Variants in ROBO2 observed in about 807,000 individuals in gnomAD.
ROBO2 encodes roundabout guidance receptor 2.
A neutral mutation model predicts 160.8 loss-of-function variants in ROBO2; 53 were observed. The ratio of observed to expected loss-of-function variants is 0.33; its 90% confidence interval spans 0.26 to 0.41. The LOEUF (loss-of-function observed/expected upper bound fraction) is 0.41. ROBO2 is among the 10% of genes least tolerant of loss of function. The probability of loss-of-function intolerance (pLI) is 1.00; values close to 1 mark genes in which losing one functional copy is unlikely to be tolerated. For synonymous variants in ROBO2, 664 were observed against 611.7 expected (o/e 1.09, Z -1.26); for missense variants, 1,577 against 1,722.4 (o/e 0.92, Z 1.49).
At chr3:77,464,933 C>A (rs1355065446) in intron 2 of ROBO2, among the ~76,000 whole-genome samples, 2 of 152,068 alleles carry the variant, frequency 1.3e-5, no homozygotes, top group Non-Finnish European at 2.9e-5. Context: ...TAAACATGTG[C>A]ATTAGAAATT....
intron 2 of ROBO2, among the ~76,000 whole-genome samples, chr3:76,622,450 G>C (rs1007365026): frequency 5.9e-5 from 9 of 151,988 alleles, no homozygotes; most frequent in Non-Finnish European, 1.2e-4. Context: ...GAGCAAAAGA[G>C]CAAGACCCTG....
At chr3:76,990,667 G>A (rs1396213262) in intron 2 of ROBO2, among the ~76,000 whole-genome samples, 2 of 152,142 alleles carry the variant, frequency 1.3e-5, no homozygotes, top group Admixed American at 6.6e-5. Context: ...AATAGTAATT[G>A]GTTGCAGCCA....
chr3:77,103,615 T>TTTTC (rs2072363492), intron 2 of ROBO2, among the ~76,000 whole-genome samples: 1 of 152,166 alleles, frequency 6.6e-6, no homozygotes, highest in South Asian at 2.1e-4. Context: ...GATGATTATT[T>TTTTC]TTTCTTTTTC....
At chr3:76,725,254 T>G (rs1410282203) in intron 2 of ROBO2, among the ~76,000 whole-genome samples, 1 of 152,132 alleles carries the variant, frequency 6.6e-6, no homozygotes, top group African/African-American at 2.4e-5. Context: ...TTTTTATCCC[T>G]AATATCTAAC....
chr3:76,060,143 T>C (rs974341513), intron 2 of ROBO2, among the ~76,000 whole-genome samples: 7 of 152,160 alleles, frequency 4.6e-5, no homozygotes, highest in Non-Finnish European at 1.5e-5. Context: ...TTTGAGTATT[T>C]GATTATCATC....
intron 2 of ROBO2, among the ~76,000 whole-genome samples, chr3:76,545,362 G>T (rs1011276210): frequency 6.6e-6 from 1 of 151,772 alleles, no homozygotes; most frequent in Admixed American, 6.6e-5. Flanking sequence ...ACCTACTGTC[G>T]GTTAAGTCAT....
At position 76,932,423 on chromosome 3, in the gene ROBO2, AAC is replaced by A. The variant is rs71104640; in HGVS notation, c.110-165573_110-165572del. Among the ~76,000 whole-genome samples, 542 of 150,490 alleles carry A rather than the reference AAC, an allele frequency of 3.6e-3. 1 individual carries two copies. Among genetic ancestry groups the A allele is most frequent in the Middle Eastern group, 6.9e-3 (2 of 290 alleles). On this transcript the variant is annotated intron_variant, in intron 2 of 26. Transcript: ENST00000487694. ...TCATGATTGCATGCATATGTTTAGAAACACACACACACACACACATACACGTG... is the reference window on the plus strand; with the variant it reads ...TCATGATTGCATGCATATGTTTAGAAACACACACACACACACATACACGTG...
At chr3:77,519,311 T>C (rs2090347305) in intron 5 of ROBO2, among the ~76,000 whole-genome samples, 1 of 151,382 alleles carries the variant, frequency 6.6e-6, no homozygotes, top group Non-Finnish European at 1.5e-5. Flanking sequence ...GGTTCAAATA[T>C]TATGTATTTA....
intron 2 of ROBO2, among the ~76,000 whole-genome samples, chr3:75,949,185 CTATCTT>C (rs562005998): frequency 1.1e-3 from 172 of 152,248 alleles, no homozygotes; most frequent in African/African-American, 3.2e-3. Context: ...TAACAACACA[CTATCTT>C]TAGCTACTTT....
At position 76,729,026 on chromosome 3, in the gene ROBO2, G is replaced by A. The variant is rs2093594637; in HGVS notation, c.110-368988G>A. On this transcript the variant is annotated intron_variant, in intron 2 of 26. Transcript: ENST00000487694. ...TTTTTGGTACTTAAAACATCTTATA[G>A]TCACAATAAATGTAGACTTTACTAG... is the stretch of plus-strand genomic sequence containing the variant. Among the ~76,000 whole-genome samples, 3 of 151,592 alleles carry A rather than the reference G, an allele frequency of 2.0e-5. No individual in the cohort carries two copies. The South Asian group carries it at 6.3e-4, about 32-fold the overall frequency.
At chr3:76,661,498 T>C (rs1219111079) in intron 2 of ROBO2, among the ~76,000 whole-genome samples, 1 of 152,060 alleles carries the variant, frequency 6.6e-6, no homozygotes, top group African/African-American at 2.4e-5. Flanking sequence ...TTTTATACAT[T>C]TAGAGGGGCA....
chr3:76,294,834 A>T (rs1236462506), intron 2 of ROBO2, among the ~76,000 whole-genome samples: 1 of 152,220 alleles, frequency 6.6e-6, no homozygotes. Flanking sequence ...TATAAATTTG[A>T]TAACTTCAAT....
At chr3:76,847,659 T>C (rs1472828784) in intron 2 of ROBO2, among the ~76,000 whole-genome samples, 1 of 152,130 alleles carries the variant, frequency 6.6e-6, no homozygotes, top group African/African-American at 2.4e-5. Flanking sequence ...ACCTGGATAA[T>C]CTCAACTCGG....
chr3:77,500,515 A>T (rs987929531), intron 5 of ROBO2, among the ~76,000 whole-genome samples: 2 of 152,232 alleles, frequency 1.3e-5, no homozygotes, highest in South Asian at 2.1e-4. Context: ...ATACTATATT[A>T]TGAATAACTA....
At chr3:76,074,252 G>A (rs4855969) in intron 2 of ROBO2, among the ~76,000 whole-genome samples, 93,607 of 150,546 alleles carry the variant, frequency 0.62, 29,717 homozygotes, top group African/African-American at 0.74. Flanking sequence ...TCATTTTCAC[G>A]CTTCAGTTTC....
intron 2 of ROBO2, among the ~76,000 whole-genome samples, chr3:77,237,178 C>G (rs1408042380): frequency 2.7e-5 from 3 of 110,100 alleles, no homozygotes; most frequent in African/African-American, 9.1e-5. Flanking sequence ...GGCCACTTGA[C>G]CTTTCTTTTT....
At chr3:76,364,597 C>G (rs774348397) in intron 2 of ROBO2, among the ~76,000 whole-genome samples, 2 of 151,854 alleles carry the variant, frequency 1.3e-5, no homozygotes, top group African/African-American at 2.4e-5. Context: ...TATACCTGGA[C>G]TAGTATTATT....
intron 2 of ROBO2, among the ~76,000 whole-genome samples, chr3:77,323,616 T>C (rs1013375015): frequency 6.6e-6 from 1 of 152,168 alleles, no homozygotes; most frequent in Non-Finnish European, 1.5e-5. Context: ...CAATATTTGA[T>C]AAATGTTTGC....
Position 76,004,554 on chromosome 3 carries a change from C to T in ROBO2, c.109+66952C>T, listed in dbSNP as rs535213677. On this transcript the variant is annotated intron_variant, in intron 2 of 26. Coordinates refer to the ROBO2 transcript ENST00000487694. The stretch of plus-strand genomic sequence containing the variant: ...AGATTCAGTGCCTGGTAATGACTCA[C>T]TTCCTGATTCAGAGGTGGCTGTCAT... 9.9e-5 allele frequency among the ~76,000 whole-genome samples: 15 copies of T among 152,280 alleles called. No homozygotes were observed. In the East Asian group the frequency reaches 2.9e-3, roughly 29 times the overall value.
Sources: allele counts gnomAD v4.1 joint callset (sites outside exome capture counted in the v4.1 genomes callset), GRCh38; gene constraint gnomAD v4.1.1; transcripts MANE v1.5; gene names NCBI Gene and HGNC (gene_info 2026-07-23, HGNC 2026-07-21).